SORCS3: variants seen among roughly 807,000 people sequenced by gnomAD.
SORCS3 encodes VPS10 domain-containing receptor SorCS3.
A neutral mutation model predicts 146.3 loss-of-function variants in SORCS3; 57 were observed. The ratio of observed to expected loss-of-function variants is 0.39; its 90% CI spans 0.31 to 0.49. The LOEUF is 0.49. SORCS3 is among the 20% of genes least tolerant of loss of function. The pLI, the probability that SORCS3 is intolerant of heterozygous loss-of-function variation, is 0.92. For synonymous variants in SORCS3, 653 were observed against 618.5 expected (o/e 1.06, Z -0.83); for missense variants, 1,341 against 1,575.5 (o/e 0.85, Z 2.52).
At chr10:104,993,165 A>G (rs1273124123) in intron 4 of SORCS3, among the ~76,000 whole-genome samples, 1 of 152,210 alleles carries the variant, frequency 6.6e-6, no homozygotes, top group East Asian at 1.9e-4. Context: ...GCCGAGGGCT[A>G]TGCCTGCTCA....
chr10:105,235,696 C>A (rs1029271931), intron 20 of SORCS3, among the ~76,000 whole-genome samples: 3 of 151,868 alleles, frequency 2.0e-5, no homozygotes, highest in Non-Finnish European at 4.4e-5. Context: ...GATAACTTAT[C>A]CCCAGTCTTT....
chr10:105,202,668 T>G (rs1247334973), intron 16 of SORCS3, among the ~76,000 whole-genome samples: 1 of 152,214 alleles, frequency 6.6e-6, no homozygotes, highest in East Asian at 1.9e-4. Context: ...TCCTTGTTTC[T>G]GCATCCACAG....
At chr10:104,754,969 G>C (rs2017031275) in intron 1 of SORCS3, among the ~76,000 whole-genome samples, 2 of 152,268 alleles carry the variant, frequency 1.3e-5, no homozygotes, top group Non-Finnish European at 2.9e-5. Context: ...TGGGTTGGAG[G>C]GGGATGCCAA....
chr10:104,920,870 C>G (rs148235791), intron 3 of SORCS3, among the ~76,000 whole-genome samples: 6 of 152,194 alleles, frequency 3.9e-5, no homozygotes, highest in African/African-American at 1.4e-4. Flanking sequence ...ATTTTAATGA[C>G]CTTGACCCAC....
At chr10:104,805,524 C>A (rs1445785260) in intron 1 of SORCS3, among the ~76,000 whole-genome samples, 5 of 151,932 alleles carry the variant, frequency 3.3e-5, no homozygotes, top group African/African-American at 4.8e-5. Flanking sequence ...GGAGGTGGGG[C>A]CAAAGAGTCA....
intron 1 of SORCS3, among the ~76,000 whole-genome samples, chr10:104,772,063 G>T (rs1047018074): frequency 6.6e-6 from 1 of 152,214 alleles, no homozygotes; most frequent in Non-Finnish European, 1.5e-5. Context: ...CGATAGGTGG[G>T]GCTTGGGTGT....
intron 2 of SORCS3, among the ~76,000 whole-genome samples, chr10:104,904,643 C>A (rs748832263): frequency 4.0e-5 from 6 of 151,566 alleles, no homozygotes; most frequent in Non-Finnish European, 8.8e-5. Context: ...TGTGGAAATG[C>A]TTACAATATT....
intron 3 of SORCS3, among the ~76,000 whole-genome samples, chr10:104,942,810 G>T (rs2019334091): frequency 1.3e-5 from 2 of 152,160 alleles, no homozygotes. Flanking sequence ...TTTTTAAGAA[G>T]CCAAAAACCT....
intron 3 of SORCS3, among the ~76,000 whole-genome samples, chr10:104,963,367 T>G (rs531019121): frequency 6.6e-6 from 1 of 152,294 alleles, no homozygotes; most frequent in East Asian, 1.9e-4. Flanking sequence ...AGTAGCCAAT[T>G]CTCAGTACTC....
intron 3 of SORCS3, among the ~76,000 whole-genome samples, chr10:104,951,813 A>G (rs538973013): frequency 6.6e-6 from 1 of 152,314 alleles, no homozygotes; most frequent in South Asian, 2.1e-4. Flanking sequence ...TATTCTTATA[A>G]TTCAGCCATT....
chr10:104,656,968 A>G (rs946923913), intron 1 of SORCS3, among the ~76,000 whole-genome samples: 1 of 152,196 alleles, frequency 6.6e-6, no homozygotes, highest in Non-Finnish European at 1.5e-5. Context: ...GGACCTTTGC[A>G]GTGCCCTCTC....
At chr10:104,904,744 G>A (rs538155876) in intron 2 of SORCS3, among the ~76,000 whole-genome samples, 5 of 151,206 alleles carry the variant, frequency 3.3e-5, no homozygotes, top group Non-Finnish European at 7.4e-5. Flanking sequence ...ACACCAAAAT[G>A]TTAACTGAGT....
At chr10:104,751,944 T>TATATAC (rs1480218664) in intron 1 of SORCS3, among the ~76,000 whole-genome samples, 1 of 112,650 alleles carries the variant, frequency 8.9e-6, no homozygotes, top group Non-Finnish European at 1.8e-5. Flanking sequence ...TATATATATA[T>TATATAC]ATATATATAT....
At chr10:105,052,599 G>A (rs2055420981) in intron 5 of SORCS3, among the ~76,000 whole-genome samples, 1 of 152,022 alleles carries the variant, frequency 6.6e-6, no homozygotes, top group Admixed American at 6.6e-5. Context: ...TTTGACTACT[G>A]CCATCTTCCT....
chr10:104,918,650 G>A (rs1035131131), intron 3 of SORCS3, among the ~76,000 whole-genome samples: 1 of 152,162 alleles, frequency 6.6e-6, no homozygotes, highest in African/African-American at 2.4e-5. Flanking sequence ...AGCCTTGTCA[G>A]TTGGTCTGAT....
intron 5 of SORCS3, among the ~76,000 whole-genome samples, chr10:105,074,113 A>G (rs1195239914): frequency 6.6e-6 from 1 of 152,218 alleles, no homozygotes; most frequent in African/African-American, 2.4e-5. Flanking sequence ...TGATATAAAG[A>G]AATAAGGTGC....
chr10:104,796,358 T>C (rs2017554821), intron 1 of SORCS3, among the ~76,000 whole-genome samples: 1 of 152,240 alleles, frequency 6.6e-6, no homozygotes, highest in South Asian at 2.1e-4. Flanking sequence ...AGTTTGCTTT[T>C]AATCCCTTTA....
intron 1 of SORCS3, among the ~76,000 whole-genome samples, chr10:104,668,079 T>C (rs2015804966): frequency 6.6e-6 from 1 of 152,194 alleles, no homozygotes; most frequent in Non-Finnish European, 1.5e-5. Context: ...TGGTCTCCAG[T>C]GTCTGGGCTG....
chr10:104,806,913 T>C (rs2017684769), intron 1 of SORCS3, among the ~76,000 whole-genome samples: 1 of 152,188 alleles, frequency 6.6e-6, no homozygotes, highest in Non-Finnish European at 1.5e-5. Flanking sequence ...TTTGCCGTTT[T>C]AGGGTTTAGT....
Sources: gnomAD v4.1 joint callset for allele counts (sites outside exome capture counted in the v4.1 genomes callset) on GRCh38, gnomAD v4.1.1 for gene constraint, MANE v1.5 for transcripts, NCBI Gene and HGNC (gene_info 2026-07-23, HGNC 2026-07-21) for gene names.